The following OR5B12 variants were observed in gnomAD, a reference collection of about 807,000 sequenced individuals.
OR5B12 encodes the protein olfactory receptor 5B12.
For missense variants in OR5B12, 418 were observed against 377.0 expected (o/e 1.11, Z -0.90); for synonymous variants, 154 against 138.0 (o/e 1.12, Z -0.81).
At position 58,440,026 on chromosome 11, in the gene OR5B12, C is replaced by T. The variant is rs1855484085; in HGVS notation, c.126G>A (p.Gly42=). 6.2e-7 allele frequency: 1 copy of T among 1,613,904 alleles called. No homozygotes were observed. Among genetic ancestry groups the T allele is most frequent in the African/African-American group, 1.3e-5 (1 of 74,882 alleles). ...IYLITLVGNL[G]MIELILLDSC... is the part of the protein sequence containing the mutation. ...AGTCCAGTAGAATCAATTCAATCAT[C>T]CCCAGGTTCCCAACCAGAGTGATGA... Residue 42 remains glycine (G), a synonymous_variant, in exon 2 of 2, where the codon GGG becomes GGA. Coordinates refer to ENST00000641921, the MANE Select transcript of OR5B12 (RefSeq NM_001004733.3).
rs559097667 is a variant in OR5B12 at position 58,439,783 on chromosome 11, T to C, written c.369A>G (p.Ala123=). 4 of 1,614,172 alleles carry C rather than the reference T, an allele frequency of 2.5e-6. No homozygotes were observed. Among genetic ancestry groups the C allele is most frequent in the Admixed American group, 1.7e-5 (1 of 60,020 alleles). Residue 123 remains alanine, a synonymous_variant, in exon 2 of 2, where the codon GCA becomes GCG. Coordinates refer to ENST00000641921, the MANE Select transcript of OR5B12 (RefSeq NM_001004733.3). Reference sequence around the variant, plus strand: ...TGGTGTAATGCAGGGGTTTACACAATGCTGCATAGCGGTCATAGGCCATTG... The same window carrying C: ...TGGTGTAATGCAGGGGTTTACACAACGCTGCATAGCGGTCATAGGCCATTG... The part of the protein sequence containing the change: ...LASMAYDRYA[A]LCKPLHYTTT...
chr11:58,440,819 A>C (rs1855492317), intron 1 of OR5B12, among the ~76,000 whole-genome samples: 1 of 152,206 alleles, frequency 6.6e-6, no homozygotes, highest in South Asian at 2.1e-4. Context: ...CTCTTCAGTA[A>C]TACCAACCAA....
rs1040604905 is a variant in OR5B12 at position 58,442,097 on chromosome 11, G to A, written c.-71C>T. On this transcript the variant is annotated 5_prime_UTR_variant, in exon 1 of 2. Transcript: ENST00000641921. Reference sequence around the variant, plus strand: ...AGGTCCAGCACTTTCATATATAAGTGAATGTCACATCAGAAATTAAGTCCT... The same window carrying A: ...AGGTCCAGCACTTTCATATATAAGTAAATGTCACATCAGAAATTAAGTCCT... The A allele has an allele frequency of 6.6e-6, 1 of 152,178 alleles. No individual in the cohort carries two copies. The highest frequency in any genetic ancestry group is 1.5e-5 in the Non-Finnish European group (1 of 68,028). 9.4% of individuals were successfully genotyped at this position (152,178 alleles called of 1,614,324 possible). A position where few individuals can be genotyped will look rare whatever the true frequency, so the allele number is the denominator to read the frequency against.
intron 1 of OR5B12, among the ~76,000 whole-genome samples, 177 bp downstream of exon 1, chr11:58,441,869 G>A (rs1001822618): frequency 2.6e-5 from 4 of 152,108 alleles, no homozygotes; most frequent in Non-Finnish European, 5.9e-5. Context: ...TATTTTAGAT[G>A]AGGAATACTC....
At chr11:58,441,912 T>A (rs1167095913) in intron 1 of OR5B12, 134 bp downstream of exon 1, 1 of 152,082 alleles carries the variant, frequency 6.6e-6, no homozygotes, top group Non-Finnish European at 1.5e-5. Flanking sequence ...GTGAAACAGA[T>A]AAAAGAAATA....
Position 58,439,263 on chromosome 11 carries a change from T to C in OR5B12, c.889A>G (p.Ser297Gly), listed in dbSNP as rs1325451530. 1 of 1,613,682 alleles carries C rather than the reference T, an allele frequency of 6.2e-7. No individual in the cohort carries two copies. The highest frequency in any genetic ancestry group is 8.5e-7 in the Non-Finnish European group (1 of 1,179,790). Residue 297 changes from serine (S) to glycine (G), a missense_variant, in exon 2 of 2, where the codon AGT (serine) becomes GGT (glycine). Coordinates refer to ENST00000641921, the MANE Select transcript of OR5B12 (RefSeq NM_001004733.3). ...VYSLRNKEVK[S>G]AFKKTVGKAK... Reference sequence around the variant, plus strand: ...TTCCCTACAGTCTTTTTAAAGGCACTCTTAACCTCTTTGTTCCTCAGGCTG... The same window carrying C: ...TTCCCTACAGTCTTTTTAAAGGCACCCTTAACCTCTTTGTTCCTCAGGCTG...
rs896410155 is a variant in OR5B12, at chr11:58,442,182, A to G, written c.-156T>C. ...TTTAGCGTTTGGCCAAAAGGCTTAA[A>G]GTTCTTTAGAGGCAGGGGGAAATTG... is the stretch of plus-strand genomic sequence containing the variant. On this transcript the variant is annotated 5_prime_UTR_variant, in exon 1 of 2. Transcript: ENST00000641921. 2 of 152,216 alleles carry G rather than the reference A, an allele frequency of 1.3e-5. No individual in the cohort carries two copies. Among genetic ancestry groups the G allele is most frequent in the Admixed American group, 6.5e-5 (1 of 15,282 alleles). 9.4% of individuals were successfully genotyped at this position (152,216 alleles called of 1,614,324 possible). A position where few individuals can be genotyped will look rare whatever the true frequency, so the allele number is the denominator to read the frequency against.
chr11:58,439,797 C>T lies in OR5B12; in HGVS notation c.355G>A (p.Asp119Asn). ...ESFLLASMAY[D>N]RYAALCKPLH... ...GGTTTACACAATGCTGCATAGCGGT[C>T]ATAGGCCATTGATGCCAGGAGGAAA... Residue 119 changes from aspartate to asparagine, a missense_variant, in exon 2 of 2, where the codon GAC becomes AAC. Transcript: ENST00000641921. The T allele has an allele frequency of 6.2e-7, 1 of 1,614,122 alleles. No homozygotes were observed. The highest frequency in any genetic ancestry group is 8.5e-7 in the Non-Finnish European group (1 of 1,180,022).
At position 58,440,083 on chromosome 11, in the gene OR5B12, G is replaced by A; in HGVS notation, c.69C>T (p.Ile23=). 3.7e-6 allele frequency: 6 copies of A among 1,613,974 alleles called. No homozygotes were observed. Among genetic ancestry groups the A allele is most frequent in the Non-Finnish European group, 5.1e-6 (6 of 1,179,934 alleles). ...TGAAAAGGAAGACTATGAAGAGTGG[G>A]ATCTGCAGTTCTGGGTCATCAGTTA... ...VGLTDDPELQ[I]PLFIVFLFIY... The change falls in exon 2 of 2, where the codon ATC becomes ATT. Residue 23 remains isoleucine (I), a synonymous_variant. Transcript: ENST00000641921.
intron 1 of OR5B12, 99 bp from the exon 2 acceptor site, chr11:58,440,269 T>A: frequency 1.5e-6 from 1 of 678,572 alleles, no homozygotes; most frequent in Non-Finnish European, 2.4e-6. Context: ...GTATTGTAAT[T>A]ACTTGTTTCC....
rs1288196343 is a variant in OR5B12 at position 58,439,161 on chromosome 11, A to T, written c.*46T>A. 27 of 1,114,170 alleles carry T rather than the reference A, an allele frequency of 2.4e-5. No individual in the cohort carries two copies. The highest frequency in any genetic ancestry group is 3.5e-5 in the Non-Finnish European group (27 of 782,012). The allele number at this position is 1,114,170 out of a possible 1,614,324, so 69.0% of individuals were successfully genotyped here. ...CAAATATTGGGCTTGGTAGACAAAG[A>T]TTAATATGAGGTGGAAAAAATTATC... On this transcript the variant is annotated 3_prime_UTR_variant, in exon 2 of 2. Transcript: ENST00000641921.
rs759558103 is a variant in OR5B12 at position 58,439,547 on chromosome 11, C to A, written c.605G>T (p.Gly202Val). Residue 202 changes from glycine (G) to valine (V), a missense_variant, in exon 2 of 2, where the codon GGA (glycine) becomes GTA (valine). Gly to Val is a moderately radical substitution (Grantham distance 109, BLOSUM62 -3). Coordinates refer to ENST00000641921, the MANE Select transcript of OR5B12 (RefSeq NM_001004733.3). Reference protein sequence around the residue: ...ISEMVIFFVVGFNDLFSILVI... With the variant: ...ISEMVIFFVVVFNDLFSILVI... ...CAGGATAGAAAAGAGGTCATTGAAT[C>A]CCACCACAAAAAAAATAACCATCTC... is the stretch of plus-strand genomic sequence containing the variant. 5 of 1,612,474 alleles carry A rather than the reference C, an allele frequency of 3.1e-6. No homozygotes were observed. Among genetic ancestry groups the A allele is most frequent in the Non-Finnish European group, 4.2e-6 (5 of 1,179,536 alleles).
Position 58,440,111 on chromosome 11 carries a change from C to A in OR5B12, c.41G>T (p.Gly14Val). The A allele has an allele frequency of 2.5e-6, 4 of 1,612,256 alleles. No individual in the cohort carries two copies. The highest frequency in any genetic ancestry group is 3.4e-6 in the Non-Finnish European group (4 of 1,179,088). The change falls in exon 2 of 2, where the codon GGG becomes GTG. Residue 14 changes from glycine to valine, a missense_variant. Transcript: ENST00000641921. ...CTGCAGTTCTGGGTCATCAGTTAAC[C>A]CCACAAGGATGAATTCAGTCACCTC... ...NTEVTEFILV[G>V]LTDDPELQIP... is the part of the protein sequence containing the mutation.
intron 1 of OR5B12, 115 bp downstream of exon 1, chr11:58,441,931 A>G (rs1302152673): frequency 6.6e-6 from 1 of 152,182 alleles, no homozygotes; most frequent in Non-Finnish European, 1.5e-5. Flanking sequence ...TAGTCAAAAT[A>G]TTAGAGCCAA....
intron 1 of OR5B12, among the ~76,000 whole-genome samples, chr11:58,441,697 A>T (rs764160656): frequency 2.0e-5 from 3 of 152,218 alleles, no homozygotes; most frequent in Non-Finnish European, 4.4e-5. Flanking sequence ...AAAATTATTT[A>T]AAATATTATG....
At chr11:58,441,695 T>G (rs1855502603) in intron 1 of OR5B12, among the ~76,000 whole-genome samples, 1 of 152,178 alleles carries the variant, frequency 6.6e-6, no homozygotes, top group African/African-American at 2.4e-5. Context: ...CAAAAATTAT[T>G]TAAAATATTA....
Position 58,440,065 on chromosome 11 carries a change from G to T in OR5B12, c.87C>A (p.Phe29Leu). Reference sequence around the variant, plus strand: ...CCAGAGTGATGAGGTAGATGAAAAGGAAGACTATGAAGAGTGGGATCTGCA... The same window carrying T: ...CCAGAGTGATGAGGTAGATGAAAAGTAAGACTATGAAGAGTGGGATCTGCA... ...PELQIPLFIV[F>L]LFIYLITLVG... The change falls in exon 2 of 2, where the codon TTC becomes TTA. Residue 29 changes from phenylalanine to leucine, a missense_variant. By Grantham distance (22) the Phe-to-Leu change is conservative. Transcript: ENST00000641921. 1 of 1,614,090 alleles carries T rather than the reference G, an allele frequency of 6.2e-7. No homozygotes were observed. The highest frequency in any genetic ancestry group is 8.5e-7 in the Non-Finnish European group (1 of 1,179,976).
Position 58,439,383 on chromosome 11 carries a change from A to G in OR5B12, c.769T>C (p.Tyr257His). The G allele has an allele frequency of 1.2e-6, 2 of 1,614,084 alleles. No individual in the cohort carries two copies. The highest frequency in any genetic ancestry group is 1.7e-4 in the Middle Eastern group (1 of 6,060). The change falls in exon 2 of 2, where the codon TAC (tyrosine) becomes CAC (histidine). Residue 257 changes from tyrosine (Y) to histidine (H), a missense_variant. Coordinates refer to ENST00000641921, the MANE Select transcript of OR5B12 (RefSeq NM_001004733.3). ...SIFYGTGIFM[Y>H]LRPNSSHFMG... is the part of the protein sequence containing the mutation. ...AAATGGCTGGAGTTAGGTCGTAAGT[A>G]CATAAAGATTCCTGTCCCATAAAAG...
chr11:58,439,392 T>C lies in OR5B12; in HGVS notation c.760A>G (p.Ile254Val), dbSNP rs200638357. The change falls in exon 2 of 2, where the codon ATC (isoleucine) becomes GTC (valine). Residue 254 changes from isoleucine (I) to valine (V), a missense_variant. Coordinates refer to ENST00000641921, the MANE Select transcript of OR5B12 (RefSeq NM_001004733.3). Reference protein sequence around the residue: ...TAVSIFYGTGIFMYLRPNSSH... With the variant: ...TAVSIFYGTGVFMYLRPNSSH... ...GAGTTAGGTCGTAAGTACATAAAGA[T>C]TCCTGTCCCATAAAAGATGGAAACT... 1.5e-4 allele frequency: 236 copies of C among 1,613,944 alleles called. No homozygotes were observed. The highest frequency in any genetic ancestry group is 7.7e-5 in the South Asian group (7 of 91,078).
Sources: gnomAD v4.1 joint callset for allele counts (sites outside exome capture counted in the v4.1 genomes callset) on GRCh38, gnomAD v4.1.1 for gene constraint, MANE v1.5 for transcripts, NCBI Gene and HGNC (gene_info 2026-07-23, HGNC 2026-07-21) for gene names.